The following CEP250 variants were observed in gnomAD, a reference collection of about 807,000 sequenced individuals.
The protein encoded by CEP250 is centrosome-associated protein CEP250.
Under a neutral mutation model 315.7 loss-of-function variants are expected in CEP250, and 242 were observed. The ratio of observed to expected loss-of-function variants is 0.77; its 90% CI spans 0.69 to 0.85. CEP250 has a LOEUF of 0.85. Ranked by LOEUF, CEP250 falls within the 40% of genes least tolerant of loss-of-function variation. CEP250 has a pLI of 0.00. For synonymous variants in CEP250, 1,088 were observed against 1,175.0 expected, an observed-to-expected ratio of 0.93 and a Z score of 1.51; for missense variants, 2,515 against 2,886.4, an observed-to-expected ratio of 0.87 and a Z score of 2.95.
intron 34 of CEP250, among the ~76,000 whole-genome samples, chr20:35,510,283 T>G: frequency 6.6e-6 from 1 of 151,824 alleles, no homozygotes; most frequent in African/African-American, 2.4e-5. Flanking sequence ...GGGAAAGGAA[T>G]AGGAAGAGGG....
Position 35,511,478 on chromosome 20 carries a change from C to T in CEP250, c.7181C>T (p.Ser2394Leu), listed in dbSNP as rs1488027123. The T allele has an allele frequency of 2.5e-6, 4 of 1,614,090 alleles. No individual in the cohort carries two copies. The Admixed American group carries it at 6.7e-5, about 27-fold the overall frequency. The change falls in exon 35 of 35, where the codon TCA becomes TTA. Residue 2394 changes from serine (S) to leucine (L), a missense_variant. Physicochemically the swap from Ser to Leu is moderately radical, Grantham distance 145. Coordinates refer to ENST00000397527, the MANE Select transcript of CEP250 (RefSeq NM_007186.6). ...GGCCTGCACCACAGCCTCTCACACT[C>T]ACTTCTTGCCGTGGCCCAGGCCCCT... ...LAGLHHSLSH[S>L]LLAVAQAPEA...
Position 35,462,459 on chromosome 20 carries a change from T to C in CEP250, c.92T>C (p.Met31Thr). The C allele has an allele frequency of 3.1e-6, 5 of 1,607,840 alleles. No homozygotes were observed. Among genetic ancestry groups the C allele is most frequent in the Non-Finnish European group, 4.2e-6 (5 of 1,176,982 alleles). The change falls in exon 4 of 35, where the codon ATG becomes ACG. Residue 31 changes from methionine (M) to threonine (T), a missense_variant. Coordinates refer to ENST00000397527, the MANE Select transcript of CEP250 (RefSeq NM_007186.6). ...CAGGTGCTGGCACTACAGCAGCAGA[T>C]GGCAGAGAATCAGGCAGCCTCCTGG... ...EEQVLALQQQMAENQAASWRK... is the reference protein window; with the variant it reads ...EEQVLALQQQTAENQAASWRK...
At chr20:35,465,631 A>C in intron 5 of CEP250, 112 bp from the exon 6 acceptor site, 1 of 710,834 alleles carries the variant, frequency 1.4e-6, no homozygotes, top group Non-Finnish European at 2.3e-6. Flanking sequence ...ATTGCTAACA[A>C]AGGGGAGAAA....
chr20:35,516,447 C>T lies in CEP250; in HGVS notation c.*4821C>T, dbSNP rs1396218776. The T allele has an allele frequency of 6.6e-6, 1 of 152,232 alleles. No homozygotes were observed. Among genetic ancestry groups the T allele is most frequent in the Non-Finnish European group, 1.5e-5 (1 of 68,072 alleles). The allele number at this position is 152,232 out of a possible 1,614,324, so 9.4% of individuals were successfully genotyped here. ...GTCTCACATTCTAGCTGACTGATGG[C>T]CTCGGCTTCTGCTGTTGTATGTGGT... On this transcript the variant is annotated 3_prime_UTR_variant, in exon 35 of 35. Transcript: ENST00000397527.
At chr20:35,455,506 A>C (rs1188039558), upstream of CEP250, 1 of 152,332 alleles carries the variant, frequency 6.6e-6, no homozygotes, top group Non-Finnish European at 1.5e-5. Flanking sequence ...CCGCAATCCC[A>C]GGCTGGGAGG....
At chr20:35,470,021 G>A (rs774206621) in intron 10 of CEP250, 35 bp downstream of exon 10, 110 of 1,453,224 alleles carry the variant, frequency 7.6e-5, no homozygotes, top group Non-Finnish European at 9.4e-5. Context: ...GGAGTTGGGC[G>A]TGGGCTTGTA....
At chr20:35,479,577 C>A in intron 18 of CEP250, 69 bp from the exon 19 acceptor site, 1 of 1,585,814 alleles carries the variant, frequency 6.3e-7, no homozygotes, top group East Asian at 2.2e-5. Context: ...TACTTAGAAC[C>A]CAGCTCCTCT....
chr20:35,482,278 C>G (rs920652517), intron 20 of CEP250, among the ~76,000 whole-genome samples: 1 of 152,100 alleles, frequency 6.6e-6, no homozygotes, highest in Non-Finnish European at 1.5e-5. Context: ...GTTGCCCAGG[C>G]TGGAGTGCAG....
chr20:35,506,700 G>A (rs2064194101), intron 30 of CEP250, among the ~76,000 whole-genome samples: 1 of 152,160 alleles, frequency 6.6e-6, no homozygotes, highest in Non-Finnish European at 1.5e-5. Flanking sequence ...AAAGTTCACA[G>A]GGTTTGAAAT....
intron 32 of CEP250, 114 bp downstream of exon 32, chr20:35,508,304 G>GA (rs1437646872): frequency 8.5e-7 from 1 of 1,170,490 alleles, no homozygotes; most frequent in East Asian, 2.4e-5. Context: ...GCCTGTTTCT[G>GA]AAAATTAAGT....
chr20:35,474,569 C>G lies in CEP250; in HGVS notation c.1571+517C>G, dbSNP rs138587459. 5.2e-3 allele frequency among the ~76,000 whole-genome samples: 798 copies of G among 152,198 alleles called. 1 individual carries two copies. The highest frequency in any genetic ancestry group is 0.019 in the African/African-American group (770 of 41,516). On this transcript the variant is annotated intron_variant, in intron 14 of 34. Coordinates refer to ENST00000397527, the MANE Select transcript of CEP250 (RefSeq NM_007186.6). ...AGGTTCATGGCATGTTCAGAGTAGGCTGGGCTGGCTAAAGGGTAAGACTTA... is the reference window on the plus strand; with the variant it reads ...AGGTTCATGGCATGTTCAGAGTAGGGTGGGCTGGCTAAAGGGTAAGACTTA...
At chr20:35,479,906 C>A in intron 19 of CEP250, 70 bp from the exon 20 acceptor site, 1 of 1,596,704 alleles carries the variant, frequency 6.3e-7, no homozygotes, top group South Asian at 1.1e-5. Context: ...CTCATGAGGT[C>A]AGGGGAGAGG....
rs549300192 is a variant in CEP250, at chr20:35,511,470, C to G, written c.7173C>G (p.Leu2391=). The G allele has an allele frequency of 1.9e-6, 3 of 1,614,180 alleles. No individual in the cohort carries two copies. The highest frequency in any genetic ancestry group is 4.5e-5 in the East Asian group (2 of 44,878). The change falls in exon 35 of 35, where the codon CTC becomes CTG. Residue 2391 remains leucine (L), a synonymous_variant. Transcript: ENST00000397527. ...AGCTAGCAGGCCTGCACCACAGCCT[C>G]TCACACTCACTTCTTGCCGTGGCCC... The part of the protein sequence containing the change: ...SRELAGLHHS[L]SHSLLAVAQA...
rs1601229931 is a variant in CEP250 at position 35,487,947 on chromosome 20, A to C, written c.2587-2690A>C. The stretch of plus-strand genomic sequence containing the variant: ...ACTTGGCTGCCCATTTATTTTAGAT[A>C]GATCTAGTTATTAGGAAATTCATGT... On this transcript the variant is annotated intron_variant, in intron 20 of 34. Coordinates refer to ENST00000397527, the MANE Select transcript of CEP250 (RefSeq NM_007186.6). Among the ~76,000 whole-genome samples the C allele has an allele frequency of 7.2e-5, 11 of 152,332 alleles. No homozygotes were observed. In the South Asian group the frequency reaches 2.3e-3, roughly 32 times the overall value.
At chr20:35,501,174 G>A (rs1002425795) in intron 28 of CEP250, among the ~76,000 whole-genome samples, 4 of 152,094 alleles carry the variant, frequency 2.6e-5, no homozygotes, top group African/African-American at 9.7e-5. Context: ...AGTTTCTACT[G>A]TAAAAGAGAA....
At chr20:35,501,708 T>G in intron 28 of CEP250, 137 bp from the exon 29 acceptor site, 1 of 946,318 alleles carries the variant, frequency 1.1e-6, no homozygotes, top group Non-Finnish European at 1.5e-6. Flanking sequence ...TCTAGGACAC[T>G]GGATATAATT....
At chr20:35,502,012 C>A in intron 29 of CEP250, 46 bp downstream of exon 29, 5 of 1,586,876 alleles carry the variant, frequency 3.2e-6, no homozygotes, top group Non-Finnish European at 4.3e-6. Context: ...CAGGAGTAGT[C>A]CCTTGGGCCC....
At chr20:35,458,857 TTTTTACAACAA>T (rs2062689699) in intron 2 of CEP250, among the ~76,000 whole-genome samples, 1 of 152,154 alleles carries the variant, frequency 6.6e-6, no homozygotes, top group South Asian at 2.1e-4. Context: ...TTAAAACTAT[TTTTTACAACAA>T]TTTTAGGGTT....
At chr20:35,478,333 G>A (rs1408896691) in intron 17 of CEP250, among the ~76,000 whole-genome samples, 3 of 152,182 alleles carry the variant, frequency 2.0e-5, no homozygotes, top group Non-Finnish European at 2.9e-5. Flanking sequence ...TTAGGAGGCC[G>A]AGGCGGGCGG....
Sources: gnomAD v4.1 joint callset for allele counts (sites outside exome capture counted in the v4.1 genomes callset) on GRCh38, gnomAD v4.1.1 for gene constraint, MANE v1.5 for transcripts, NCBI Gene and HGNC (gene_info 2026-07-23, HGNC 2026-07-21) for gene names.